The following MAML2 variants were observed in gnomAD, a reference collection of about 807,000 sequenced individuals.
MAML2 encodes mastermind like transcriptional coactivator 2, also known as mastermind-like protein 2.
MAML2 carries 22 observed loss-of-function variants against 96.1 expected under a neutral mutation model. The observed-to-expected ratio is 0.23, with a 90% CI of 0.16 to 0.33. The LOEUF is 0.33. Among genes scored for constraint, MAML2 ranks in the 10% least tolerant of loss-of-function variants. The pLI is 1.00. For missense variants in MAML2, 1,367 were observed against 1,392.4 expected, an observed-to-expected ratio of 0.98 and a Z score of 0.29; for synonymous variants, 561 against 521.3, an observed-to-expected ratio of 1.08 and a Z score of -1.04.
At chr11:96,146,891 C>T (rs1860830571) in intron 1 of MAML2, among the ~76,000 whole-genome samples, 1 of 152,130 alleles carries the variant, frequency 6.6e-6, no homozygotes, top group African/African-American at 2.4e-5. Context: ...AATGCAGAAG[C>T]TCTGAGAAAA....
chr11:96,302,230 A>G (rs1863395623), intron 1 of MAML2, among the ~76,000 whole-genome samples: 1 of 150,600 alleles, frequency 6.6e-6, no homozygotes, highest in African/African-American at 2.5e-5. Context: ...GAATGTTTCT[A>G]TCTCTATCCA....
intron 2 of MAML2, among the ~76,000 whole-genome samples, chr11:96,053,146 T>C (rs999799714): frequency 6.6e-6 from 1 of 152,230 alleles, no homozygotes; most frequent in African/African-American, 2.4e-5. Flanking sequence ...TAATTGTTCA[T>C]GTAACACAGA....
At chr11:96,130,985 G>A (rs1860539811) in intron 1 of MAML2, among the ~76,000 whole-genome samples, 1 of 151,932 alleles carries the variant, frequency 6.6e-6, no homozygotes, top group Non-Finnish European at 1.5e-5. Flanking sequence ...CTTTAATTAG[G>A]GGTAGAAAGA....
At chr11:96,191,381 T>C (rs1254017103) in intron 1 of MAML2, among the ~76,000 whole-genome samples, 1 of 151,488 alleles carries the variant, frequency 6.6e-6, no homozygotes, top group Non-Finnish European at 1.5e-5. Context: ...GAAGAATCGC[T>C]TGAACTCGGG....
intron 2 of MAML2, among the ~76,000 whole-genome samples, chr11:95,997,428 T>A (rs1858009248): frequency 1.3e-5 from 2 of 152,194 alleles, no homozygotes; most frequent in Admixed American, 6.5e-5. Flanking sequence ...AGCACAGGAC[T>A]GCCAGACCAA....
chr11:96,200,224 C>T (rs1237642138), intron 1 of MAML2, among the ~76,000 whole-genome samples: 2 of 152,170 alleles, frequency 1.3e-5, no homozygotes, highest in Admixed American at 6.5e-5. Context: ...CAATTAGTCT[C>T]TCTGTATATA....
chr11:96,213,222 C>T (rs1375755043), intron 1 of MAML2, among the ~76,000 whole-genome samples: 1 of 152,156 alleles, frequency 6.6e-6, no homozygotes, highest in Non-Finnish European at 1.5e-5. Flanking sequence ...GCTCTTAGAA[C>T]TTTCAAAGTA....
chr11:96,068,097 T>A (rs150006110), intron 2 of MAML2, among the ~76,000 whole-genome samples: 10 of 152,338 alleles, frequency 6.6e-5, no homozygotes, highest in African/African-American at 2.4e-4. Context: ...CTTAATGTAG[T>A]TAAATGTCAA....
intron 2 of MAML2, among the ~76,000 whole-genome samples, chr11:96,015,453 G>C (rs1252028578): frequency 1.3e-5 from 2 of 151,764 alleles, no homozygotes; most frequent in Admixed American, 6.6e-5. Context: ...ACTCCAGCTG[G>C]TTGACCATTA....
At chr11:96,074,736 C>A (rs1473087946) in intron 2 of MAML2, among the ~76,000 whole-genome samples, 1 of 152,210 alleles carries the variant, frequency 6.6e-6, no homozygotes, top group Non-Finnish European at 1.5e-5. Context: ...ATTTTTGACA[C>A]CAGAATAAAA....
At chr11:96,070,917 G>A (rs897407312) in intron 2 of MAML2, among the ~76,000 whole-genome samples, 3 of 152,218 alleles carry the variant, frequency 2.0e-5, no homozygotes, top group African/African-American at 7.2e-5. Flanking sequence ...ACTACAAAAG[G>A]TCTTTGACTT....
At chr11:96,101,171 G>C (rs1859923146) in intron 1 of MAML2, among the ~76,000 whole-genome samples, 2 of 152,188 alleles carry the variant, frequency 1.3e-5, no homozygotes, top group African/African-American at 4.8e-5. Context: ...TCAATACCAA[G>C]CTCTCCTGTA....
Position 96,056,386 on chromosome 11 carries a change from A to AG in MAML2, c.2139+35505dup, listed in dbSNP as rs1859070004. On this transcript the variant is annotated intron_variant, in intron 2 of 4. Coordinates refer to ENST00000524717, the MANE Select transcript of MAML2 (RefSeq NM_032427.4). ...CTTTTAGTTTTATGGCTATTTTCTGAGGAAAAAAAAAAAAAAAAAAGCCCA... is the reference window on the plus strand; with the variant it reads ...CTTTTAGTTTTATGGCTATTTTCTGAGGGAAAAAAAAAAAAAAAAAAGCCCA... 2.3e-5 allele frequency among the ~76,000 whole-genome samples: 3 copies of AG among 129,690 alleles called. No homozygotes were observed. In the South Asian group the frequency reaches 8.6e-4, roughly 37 times the overall value. 85.1% of individuals were successfully genotyped at this position (129,690 alleles called of 152,430 possible). A position where few individuals can be genotyped will look rare whatever the true frequency, so the allele number is the denominator to read the frequency against.
intron 2 of MAML2, among the ~76,000 whole-genome samples, chr11:95,994,418 G>A (rs1004516921): frequency 5.3e-5 from 8 of 152,158 alleles, no homozygotes; most frequent in African/African-American, 1.9e-4. Context: ...ATGTGGACTT[G>A]GAGACAAGTA....
intron 1 of MAML2, among the ~76,000 whole-genome samples, chr11:96,170,411 G>A (rs1047710216): frequency 4.6e-5 from 7 of 152,106 alleles, no homozygotes; most frequent in African/African-American, 1.2e-4. Context: ...TCATACCAGC[G>A]AAAAGCACAG....
intron 2 of MAML2, among the ~76,000 whole-genome samples, chr11:96,046,859 CAG>C (rs2135762167): frequency 6.6e-6 from 1 of 152,278 alleles, no homozygotes; most frequent in South Asian, 2.1e-4. Context: ...AGGAAGTTGA[CAG>C]AGGCTTTCCT....
intron 1 of MAML2, among the ~76,000 whole-genome samples, chr11:96,162,716 AAAG>A (rs1168939811): frequency 4.4e-4 from 63 of 142,802 alleles, no homozygotes; most frequent in African/African-American, 1.1e-3. Context: ...CGTCTCAAAA[AAAG>A]AAAAAAAAAA....
intron 1 of MAML2, among the ~76,000 whole-genome samples, chr11:96,168,666 G>A (rs1228938155): frequency 6.6e-6 from 1 of 152,142 alleles, no homozygotes; most frequent in Non-Finnish European, 1.5e-5. Flanking sequence ...TCCTCATTGA[G>A]GGTCCCAGAA....
At chr11:96,101,434 C>T (rs1859929065) in intron 1 of MAML2, among the ~76,000 whole-genome samples, 2 of 152,204 alleles carry the variant, frequency 1.3e-5, no homozygotes, top group African/African-American at 4.8e-5. Flanking sequence ...TACAACACTA[C>T]CTCGGAGAGG....
Sources: gnomAD v4.1 joint callset for allele counts (sites outside exome capture counted in the v4.1 genomes callset) on GRCh38, gnomAD v4.1.1 for gene constraint, MANE v1.5 for transcripts, NCBI Gene and HGNC (gene_info 2026-07-23, HGNC 2026-07-21) for gene names.